Variants in LPP observed in about 807,000 individuals in gnomAD.
LPP encodes the protein lipoma-preferred partner.
LPP carries 38 observed loss-of-function variants against 60.4 expected under a neutral mutation model. The observed-to-expected ratio is 0.63, with a 90% confidence interval of 0.49 to 0.83. The LOEUF is 0.83. Ranked by LOEUF, LPP falls within the 40% of genes least tolerant of loss-of-function variation. The probability of loss-of-function intolerance (pLI) is 0.00; values close to 1 mark genes in which losing one functional copy is unlikely to be tolerated. For missense variants in LPP, 902 were observed against 783.6 expected, an observed-to-expected ratio of 1.15 and a Z score of -1.80; for synonymous variants, 328 against 290.8, an observed-to-expected ratio of 1.13 and a Z score of -1.30.
chr3:188,507,706 T>C (rs1167260987), intron 5 of LPP, among the ~76,000 whole-genome samples: 1 of 152,152 alleles, frequency 6.6e-6, no homozygotes. Flanking sequence ...GGGAAGGGAA[T>C]GGTGATGTTC....
intron 4 of LPP, among the ~76,000 whole-genome samples, chr3:188,458,080 T>G (rs1166906274): frequency 6.6e-6 from 1 of 152,216 alleles, no homozygotes; most frequent in Non-Finnish European, 1.5e-5. Context: ...ACTCACACAG[T>G]TACCTCAGGC....
At chr3:188,516,248 C>T (rs1817328475) in intron 5 of LPP, among the ~76,000 whole-genome samples, 1 of 152,116 alleles carries the variant, frequency 6.6e-6, no homozygotes, top group African/African-American at 2.4e-5. Flanking sequence ...GGAATGCATT[C>T]ATTTTTTCCC....
At chr3:188,161,155 G>C (rs1343456337) in intron 1 of LPP, among the ~76,000 whole-genome samples, 1 of 152,184 alleles carries the variant, frequency 6.6e-6, no homozygotes, top group East Asian at 1.9e-4. Flanking sequence ...GGCAGAGGTG[G>C]GAGGGAGCAG....
chr3:188,309,078 G>A (rs1393012532), intron 2 of LPP, among the ~76,000 whole-genome samples: 3 of 119,486 alleles, frequency 2.5e-5, no homozygotes, highest in African/African-American at 9.7e-5. Flanking sequence ...CTGGAGTGTA[G>A]TGGTGCAATC....
At chr3:188,759,119 C>A (rs1731296158) in intron 8 of LPP, 2 of 152,158 alleles carry the variant, frequency 1.3e-5, no homozygotes, top group Admixed American at 6.5e-5. Flanking sequence ...TCAAGATTCC[C>A]ATGATGGAGC....
chr3:188,613,130 C>G (rs1419723872), intron 7 of LPP, among the ~76,000 whole-genome samples: 1 of 151,938 alleles, frequency 6.6e-6, no homozygotes, highest in Non-Finnish European at 1.5e-5. Context: ...GTTCTCTTCT[C>G]ACTGGAAATC....
chr3:188,268,782 G>A (rs1444322696), intron 2 of LPP, among the ~76,000 whole-genome samples: 2 of 152,150 alleles, frequency 1.3e-5, no homozygotes, highest in African/African-American at 4.8e-5. Context: ...TCTCCTCGTG[G>A]CAGGAATAAT....
intron 6 of LPP, among the ~76,000 whole-genome samples, chr3:188,594,007 T>C (rs1409391847): frequency 6.6e-6 from 1 of 152,184 alleles, no homozygotes. Flanking sequence ...CTATGATGTT[T>C]TGATACTCTT....
At chr3:188,314,022 A>T (rs978226478) in intron 2 of LPP, among the ~76,000 whole-genome samples, 9 of 152,012 alleles carry the variant, frequency 5.9e-5, no homozygotes, top group African/African-American at 1.9e-4. Context: ...TTTTAGATAA[A>T]TTTTTTTTGA....
In LPP at chr3:188,760,444, G is replaced by A. The variant is rs59090069; in HGVS notation, c.1410+162G>A. Among the ~76,000 whole-genome samples the A allele has an allele frequency of 0.022, 3,277 of 151,976 alleles. 123 individuals are homozygous for A. The highest frequency in any genetic ancestry group is 0.073 in the African/African-American group (3,029 of 41,400). ...TGTGTGTGTGTGTGTGTGCGTGCGC[G>A]CATGTAAATTAGCATATTGTAATTT... On this transcript the variant is annotated intron_variant, in intron 9 of 11. Coordinates refer to ENST00000617246, the MANE Select transcript of LPP (RefSeq NM_001375462.1).
chr3:188,642,036 A>G (rs1342895602), intron 7 of LPP, among the ~76,000 whole-genome samples: 1 of 152,152 alleles, frequency 6.6e-6, no homozygotes, highest in Non-Finnish European at 1.5e-5. Context: ...TGCGCTTGAT[A>G]ATTATTGGTG....
chr3:188,616,410 A>G (rs1397951888), intron 7 of LPP, among the ~76,000 whole-genome samples: 1 of 152,052 alleles, frequency 6.6e-6, no homozygotes, highest in Non-Finnish European at 1.5e-5. Flanking sequence ...GTGTGGTGTA[A>G]TTTCTGAGGT....
At chr3:188,316,273 T>C (rs780304942) in intron 2 of LPP, among the ~76,000 whole-genome samples, 1 of 152,114 alleles carries the variant, frequency 6.6e-6, no homozygotes, top group Non-Finnish European at 1.5e-5. Context: ...AGTGAAACTC[T>C]GTCTCAAAAA....
At chr3:188,368,701 CACACACACACACACACACAG>C in intron 3 of LPP, among the ~76,000 whole-genome samples, 3 of 121,736 alleles carry the variant, frequency 2.5e-5, no homozygotes, top group African/African-American at 5.7e-5. Context: ...CACACACACA[CACACACACACACACACACAG>C]AGAGAGAGAG....
intron 3 of LPP, among the ~76,000 whole-genome samples, chr3:188,359,877 C>G (rs1768760786): frequency 6.6e-6 from 1 of 152,126 alleles, no homozygotes; most frequent in Non-Finnish European, 1.5e-5. Context: ...GTTTATACCT[C>G]TTTCTCCCCT....
intron 3 of LPP, among the ~76,000 whole-genome samples, chr3:188,363,590 T>G (rs1770174088): frequency 6.6e-6 from 1 of 152,250 alleles, no homozygotes; most frequent in East Asian, 1.9e-4. Context: ...GCAAACGCCC[T>G]CCTTCGACTG....
intron 9 of LPP, among the ~76,000 whole-genome samples, chr3:188,800,884 G>A (rs1159869745): frequency 6.6e-6 from 1 of 151,840 alleles, no homozygotes; most frequent in Non-Finnish European, 1.5e-5. Context: ...GTTTCTTTTT[G>A]GTTTGGTTAT....
At chr3:188,156,857 C>A (rs1305541732) in intron 1 of LPP, among the ~76,000 whole-genome samples, 1 of 151,402 alleles carries the variant, frequency 6.6e-6, no homozygotes, top group Non-Finnish European at 1.5e-5. Context: ...CCCCACCCCC[C>A]CAAGAAAAAT....
intron 10 of LPP, among the ~76,000 whole-genome samples, chr3:188,868,349 G>A (rs1461530480): frequency 1.3e-5 from 2 of 152,144 alleles, no homozygotes; most frequent in Admixed American, 6.5e-5. Context: ...TATCTTTCAT[G>A]TCTAGGGGTA....
Sources: gnomAD v4.1 joint callset for allele counts (sites outside exome capture counted in the v4.1 genomes callset) on GRCh38, gnomAD v4.1.1 for gene constraint, MANE v1.5 for transcripts, NCBI Gene and HGNC (gene_info 2026-07-23, HGNC 2026-07-21) for gene names.